The following CENPH variants were observed in gnomAD, a reference collection of about 807,000 sequenced individuals.
The protein encoded by CENPH is CENP-H.
In CENPH, 40 loss-of-function variants were observed where a neutral mutation model predicts 42.9. That is an observed-to-expected ratio of 0.93 (90% CI 0.72 to 1.21). CENPH has a LOEUF of 1.21. Among genes scored for constraint, CENPH ranks in the 50% most tolerant of loss-of-function variants. The pLI is 0.00. For missense variants in CENPH, 302 were observed against 292.9 expected, an observed-to-expected ratio of 1.03 and a Z score of -0.23; for synonymous variants, 88 against 96.5, an observed-to-expected ratio of 0.91 and a Z score of 0.52.
Position 69,209,955 on chromosome 5 carries a change from T to A in CENPH, c.*156T>A. The A allele has an allele frequency of 2.4e-6, 1 of 424,316 alleles. No individual in the cohort carries two copies. The highest frequency in any genetic ancestry group is 4.1e-6 in the Non-Finnish European group (1 of 241,488). 26.3% of individuals were successfully genotyped at this position (424,316 alleles called of 1,614,324 possible). On this transcript the variant is annotated 3_prime_UTR_variant, in exon 9 of 9. Transcript: ENST00000283006. ...TGTGGTTAGTTATTTGTAGTGGGATTGAAAGTAATTTTTTTCTTTTTATAT... is the reference window on the plus strand; with the variant it reads ...TGTGGTTAGTTATTTGTAGTGGGATAGAAAGTAATTTTTTTCTTTTTATAT...
intron 1 of CENPH, 63 bp downstream of exon 1, chr5:69,189,831 T>C: frequency 7.1e-7 from 1 of 1,413,246 alleles, no homozygotes; most frequent in Non-Finnish European, 9.2e-7. Flanking sequence ...ACTCCGCCCT[T>C]GCTCAGAAGG....
chr5:69,196,849 C>T (rs1747972335), intron 4 of CENPH, among the ~76,000 whole-genome samples: 1 of 152,136 alleles, frequency 6.6e-6, no homozygotes, highest in Non-Finnish European at 1.5e-5. Context: ...TGTATACCCA[C>T]ACGCAACAGC....
At chr5:69,195,677 T>C (rs199562033) in intron 3 of CENPH, 40 bp from the exon 4 acceptor site, 1 of 1,136,564 alleles carries the variant, frequency 8.8e-7, no homozygotes, top group Non-Finnish European at 1.3e-6. Flanking sequence ...TGTCTTTTTC[T>C]GATATTGCTG....
At chr5:69,200,028 G>A (rs558576560) in intron 5 of CENPH, among the ~76,000 whole-genome samples, 2 of 150,072 alleles carry the variant, frequency 1.3e-5, no homozygotes, top group East Asian at 2.0e-4. Context: ...CAGGAAAATC[G>A]CTTGAACCCA....
intron 2 of CENPH, among the ~76,000 whole-genome samples, chr5:69,193,967 T>TAA (rs1747922762): frequency 6.6e-6 from 1 of 152,148 alleles, no homozygotes; most frequent in Middle Eastern, 3.2e-3. Flanking sequence ...CGTGGCTTTT[T>TAA]AAAGCTAATT....
intron 7 of CENPH, among the ~76,000 whole-genome samples, chr5:69,207,505 A>T (rs1748178555): frequency 6.6e-6 from 1 of 150,522 alleles, no homozygotes; most frequent in Non-Finnish European, 1.5e-5. Context: ...GATTAATTTT[A>T]AATGAAAAGT....
At chr5:69,194,534 A>G (rs577104006) in intron 2 of CENPH, 113 bp from the exon 3 acceptor site, 1 of 583,928 alleles carries the variant, frequency 1.7e-6, no homozygotes, top group South Asian at 2.6e-5. Context: ...CTTTTCTGTA[A>G]TGTGAAAACG....
intron 5 of CENPH, chr5:69,197,381 G>A (rs1747980284): frequency 6.8e-6 from 2 of 293,186 alleles, no homozygotes; most frequent in Non-Finnish European, 1.2e-5. Flanking sequence ...ATTTTCTTCA[G>A]TATTTACTAT....
intron 2 of CENPH, 47 bp downstream of exon 2, chr5:69,191,897 G>GTTT (rs776054015): frequency 8.7e-7 from 1 of 1,143,642 alleles, no homozygotes; most frequent in Admixed American, 1.8e-5. Flanking sequence ...TTGTTTGTTT[G>GTTT]TTTTTTTGAG....
intron 7 of CENPH, among the ~76,000 whole-genome samples, chr5:69,204,597 C>CTTTTTTTTTTTTTTTTTTT (rs530678541): frequency 1.4e-5 from 1 of 69,596 alleles, no homozygotes; most frequent in Non-Finnish European, 2.5e-5. Flanking sequence ...GCTTGTATTT[C>CTTTTTTTTTTTTTTTTTTT]TTTTTTTTTT....
intron 2 of CENPH, among the ~76,000 whole-genome samples, chr5:69,193,813 G>A (rs972943109): frequency 2.0e-5 from 3 of 151,658 alleles, no homozygotes; most frequent in African/African-American, 4.8e-5. Context: ...CACCATGGCC[G>A]GCTAATTTTT....
At chr5:69,200,888 C>G (rs1358052590) in intron 5 of CENPH, among the ~76,000 whole-genome samples, 1 of 151,634 alleles carries the variant, frequency 6.6e-6, no homozygotes, top group East Asian at 1.9e-4. Flanking sequence ...CAGACACACA[C>G]CATCACACCT....
At chr5:69,192,968 T>C (rs963695853) in intron 2 of CENPH, among the ~76,000 whole-genome samples, 6 of 128,168 alleles carry the variant, frequency 4.7e-5, no homozygotes, top group Admixed American at 2.5e-4. Context: ...TGGTGGTGCA[T>C]GCCTATAAGC....
chr5:69,196,895 T>C (rs1561322202), intron 4 of CENPH, among the ~76,000 whole-genome samples, 158 bp from the exon 5 acceptor site: 1 of 152,202 alleles, frequency 6.6e-6, no homozygotes. Context: ...ATTTTTGTGT[T>C]TTATTTCTCA....
chr5:69,192,480 A>G (rs182687983), intron 2 of CENPH, among the ~76,000 whole-genome samples: 11 of 152,344 alleles, frequency 7.2e-5, no homozygotes, highest in African/African-American at 2.4e-4. Context: ...GGCCACAGGA[A>G]GTTTAGTTGT....
chr5:69,198,666 C>T (rs1748007198), intron 5 of CENPH, among the ~76,000 whole-genome samples: 2 of 152,192 alleles, frequency 1.3e-5, no homozygotes, highest in Admixed American at 1.3e-4. Flanking sequence ...GGTACAGAGG[C>T]TCATGCCTGT....
intron 7 of CENPH, among the ~76,000 whole-genome samples, chr5:69,204,104 A>G (rs990023812): frequency 3.7e-5 from 5 of 134,100 alleles, no homozygotes; most frequent in Non-Finnish European, 8.0e-5. Flanking sequence ...TAAATGATCA[A>G]ATGATATGTA....
chr5:69,190,756 G>A (rs1221405955), intron 1 of CENPH, among the ~76,000 whole-genome samples: 1 of 152,148 alleles, frequency 6.6e-6, no homozygotes, highest in African/African-American at 2.4e-5. Context: ...TGGGCGTGGT[G>A]GCGGGCGCCT....
Position 69,197,044 on chromosome 5 carries a change from C to A in CENPH, c.315-9C>A. The A allele has an allele frequency of 6.5e-7, 1 of 1,536,246 alleles. No individual in the cohort carries two copies. On this transcript the variant is annotated splice_polypyrimidine_tract_variant and intron_variant, in intron 4 of 8. Transcript: ENST00000283006. ...ATGTTTTATAATGCAAGCTTTTTCC[C>A]TCTCATAGGATGAGACTTTCAACTG...
Sources: gnomAD v4.1 joint callset for allele counts (sites outside exome capture counted in the v4.1 genomes callset) on GRCh38, gnomAD v4.1.1 for gene constraint, MANE v1.5 for transcripts, NCBI Gene and HGNC (gene_info 2026-07-23, HGNC 2026-07-21) for gene names.